The following BTD variants were observed in gnomAD, a reference collection of about 807,000 sequenced individuals.
BTD encodes the protein biotinidase.
Under a neutral mutation model 17.7 loss-of-function variants are expected in BTD, and 13 were observed. The ratio of observed to expected loss-of-function variants is 0.74; its 90% confidence interval spans 0.48 to 1.17. The LOEUF (loss-of-function observed/expected upper bound fraction) is 1.17. Among genes scored for constraint, BTD ranks in the 50% most tolerant of loss-of-function variants. The pLI is 0.00. For missense variants in BTD, 674 were observed against 650.4 expected (o/e 1.04, Z -0.39); for synonymous variants, 240 against 245.2 (o/e 0.98, Z 0.20).
At position 15,651,775 on chromosome 3, in the gene BTD, A is replaced by G. The variant is rs2065808802; in HGVS notation, c.*6287A>G. On this transcript the variant is annotated 3_prime_UTR_variant, in exon 4 of 4. Transcript: ENST00000643237. ...GAGGGGTAGAGTATGCAGGGAAGAT[A>G]AATGCAGCCCTGGCATGGTTCTTCC... is the stretch of plus-strand genomic sequence containing the variant. Among the ~76,000 whole-genome samples the G allele has an allele frequency of 6.6e-6, 1 of 152,210 alleles. No individual in the cohort carries two copies. Among genetic ancestry groups the G allele is most frequent in the Non-Finnish European group, 1.5e-5 (1 of 68,030 alleles).
intron 3 of BTD, among the ~76,000 whole-genome samples, chr3:15,678,997 C>T (rs765417908): frequency 3.9e-5 from 6 of 152,250 alleles, no homozygotes; most frequent in Admixed American, 6.5e-5. Flanking sequence ...AGGGCCCAGA[C>T]GGGATCTCAC....
intron 1 of BTD, among the ~76,000 whole-genome samples, chr3:15,607,217 C>T (rs1278542464): frequency 6.6e-6 from 1 of 151,958 alleles, no homozygotes; most frequent in Non-Finnish European, 1.5e-5. Context: ...CTTGTTTTTG[C>T]TTATTTACTG....
chr3:15,639,222 C>T (rs1477333556), intron 2 of BTD, among the ~76,000 whole-genome samples: 1 of 151,466 alleles, frequency 6.6e-6, no homozygotes, highest in African/African-American at 2.4e-5. Flanking sequence ...GGTTTGGTTC[C>T]TCTCCTCATT....
At chr3:15,702,304 T>C (rs931528273) in intron 3 of BTD, among the ~76,000 whole-genome samples, 13 of 152,220 alleles carry the variant, frequency 8.5e-5, no homozygotes, top group African/African-American at 3.1e-4. Context: ...TATAAAATAC[T>C]GAATCACAAA....
At chr3:15,712,881 T>C (rs2072506890), downstream of BTD, among the ~76,000 whole-genome samples, 1 of 152,102 alleles carries the variant, frequency 6.6e-6, no homozygotes, top group African/African-American at 2.4e-5. Flanking sequence ...ACAAAACAGA[T>C]AGGTGCAGTA....
chr3:15,721,126 A>G (rs2073676889), intron 4 of BTD: 2 of 1,608,420 alleles, frequency 1.2e-6, no homozygotes, highest in East Asian at 4.5e-5. Context: ...TGGTTCATTC[A>G]TCTATTAGAA....
Position 15,635,757 on chromosome 3 carries a change from G to T in BTD, c.249+69G>T. The T allele has an allele frequency of 6.2e-7, 1 of 1,607,722 alleles. No homozygotes were observed. Among genetic ancestry groups the T allele is most frequent in the South Asian group, 1.1e-5 (1 of 90,536 alleles). On this transcript the variant is annotated intron_variant, in intron 2 of 3. Transcript: ENST00000643237. The surrounding 1 kb of genome is among the most constrained non-coding windows in gnomAD (Gnocchi z 4.1). ...GATTGCTCTTTACCCCTTGATCAGT[G>T]GTTGGGTAATCCCAGGCTTCCTACC... is the stretch of plus-strand genomic sequence containing the variant.
At chr3:15,602,039 G>T in intron 1 of BTD, 145 bp downstream of exon 1, 1 of 1,482,634 alleles carries the variant, frequency 6.7e-7, no homozygotes, top group Non-Finnish European at 9.0e-7. Flanking sequence ...GTTTGCTGGG[G>T]CTGTTTGTGC....
At chr3:15,700,051 C>A (rs1045197172) in intron 3 of BTD, among the ~76,000 whole-genome samples, 1 of 152,074 alleles carries the variant, frequency 6.6e-6, no homozygotes, top group African/African-American at 2.4e-5. Flanking sequence ...AATACTATGC[C>A]ACCATAAAAA....
At chr3:15,628,176 G>A (rs1008904288) in intron 1 of BTD, among the ~76,000 whole-genome samples, 1 of 152,222 alleles carries the variant, frequency 6.6e-6, no homozygotes, top group African/African-American at 2.4e-5. Flanking sequence ...ACTTGATGTA[G>A]TGACATTGTA....
chr3:15,681,235 T>C (rs1485545860), intron 3 of BTD, among the ~76,000 whole-genome samples: 1 of 152,230 alleles, frequency 6.6e-6, no homozygotes, highest in Non-Finnish European at 1.5e-5. Context: ...TAAATAGTTG[T>C]TGTATTGTTT....
In BTD at chr3:15,645,209, C is replaced by CACTT; in HGVS notation, c.1297_1300dup (p.Tyr434LeufsTer31). On this transcript the variant is annotated frameshift_variant, in exon 4 of 4. Transcript: ENST00000643237. LOFTEE classifies it high-confidence loss of function. ...TTGATGGGCTTCACACAGTACATGG[C>CACTT]ACTTACTACATCCAAGTGTGTGCCC... 6.2e-7 allele frequency: 1 copy of CACTT among 1,614,190 alleles called. No individual in the cohort carries two copies. Among genetic ancestry groups the CACTT allele is most frequent in the Non-Finnish European group, 8.5e-7 (1 of 1,180,028 alleles).
chr3:15,629,617 G>A (rs1483119945), intron 1 of BTD, among the ~76,000 whole-genome samples: 1 of 152,130 alleles, frequency 6.6e-6, no homozygotes, highest in Non-Finnish European at 1.5e-5. Context: ...TCCGCCGCCC[G>A]AGTTCAAGCG....
chr3:15,715,325 C>T (rs894215333), downstream of BTD, among the ~76,000 whole-genome samples: 4 of 152,218 alleles, frequency 2.6e-5, no homozygotes, highest in South Asian at 2.1e-4. Context: ...GCTTCCTAAT[C>T]TCACAGCAAC....
At chr3:15,714,550 C>CAA, downstream of BTD, 2 of 1,477,872 alleles carry the variant, frequency 1.4e-6, no homozygotes, top group Non-Finnish European at 1.8e-6. Context: ...AAAAAAAACC[C>CAA]CAAAAAAAAA....
chr3:15,680,815 G>A (rs898232787), intron 3 of BTD, among the ~76,000 whole-genome samples: 1 of 151,934 alleles, frequency 6.6e-6, no homozygotes, highest in Non-Finnish European at 1.5e-5. Flanking sequence ...ACAGGTGCAA[G>A]GCTACCACAC....
At chr3:15,615,112 C>T (rs1225134914) in intron 1 of BTD, among the ~76,000 whole-genome samples, 2 of 152,160 alleles carry the variant, frequency 1.3e-5, no homozygotes, top group East Asian at 3.8e-4. Context: ...TGTTCTTCAA[C>T]CCAGGACACT....
intron 1 of BTD, among the ~76,000 whole-genome samples, chr3:15,634,852 A>G (rs780062632): frequency 1.1e-4 from 16 of 152,226 alleles, no homozygotes; most frequent in Non-Finnish European, 1.5e-4. Context: ...TTGGCACCAA[A>G]TAAATAATTT....
upstream of BTD, chr3:15,601,521 C>T: frequency 6.2e-7 from 1 of 1,608,950 alleles, no homozygotes; most frequent in Admixed American, 1.7e-5. Context: ...AATCATCCAG[C>T]AAGGCAAACG....
Sources: gnomAD v4.1 joint callset for allele counts (sites outside exome capture counted in the v4.1 genomes callset) on GRCh38, gnomAD v4.1.1 for gene constraint, Gnocchi (gnomAD v3.1) non-coding constraint, MANE v1.5 for transcripts, NCBI Gene and HGNC (gene_info 2026-07-23, HGNC 2026-07-21) for gene names.